DSCAML1: variants seen among roughly 807,000 people sequenced by gnomAD.
DSCAML1 encodes DS cell adhesion molecule like 1, also known as cell adhesion molecule DSCAML1.
In DSCAML1, 38 loss-of-function variants were observed where a neutral mutation model predicts 200.5. That is an observed-to-expected ratio of 0.19 (90% CI 0.15 to 0.25). DSCAML1 has a LOEUF of 0.25. DSCAML1 is among the 10% of genes least tolerant of loss of function. The probability of loss-of-function intolerance (pLI) is 1.00; values close to 1 mark genes in which losing one functional copy is unlikely to be tolerated. For synonymous variants in DSCAML1, 1,215 were observed against 1,165.0 expected (o/e 1.04, Z -0.87); for missense variants, 2,223 against 2,858.8 (o/e 0.78, Z 5.07).
chr11:117,662,258 G>T (rs959487735), intron 3 of DSCAML1, among the ~76,000 whole-genome samples: 29 of 152,380 alleles, frequency 1.9e-4, no homozygotes, highest in African/African-American at 6.3e-4. Context: ...AGAGAAGGCT[G>T]AAGCAGGTGA....
At chr11:117,515,459 G>A (rs1049822958) in intron 8 of DSCAML1, among the ~76,000 whole-genome samples, 1 of 152,076 alleles carries the variant, frequency 6.6e-6, no homozygotes, top group African/African-American at 2.4e-5. Flanking sequence ...CAGAACCAAG[G>A]AGACATTGTC....
chr11:117,577,503 T>C (rs191810476), intron 3 of DSCAML1, among the ~76,000 whole-genome samples: 331 of 13,130 alleles, frequency 0.025, 6 homozygotes, highest in Middle Eastern at 0.11. Context: ...CCTTCCTTCC[T>C]TCCCTCCTTC....
chr11:117,619,814 G>A (rs963270120), intron 3 of DSCAML1, among the ~76,000 whole-genome samples: 1 of 152,072 alleles, frequency 6.6e-6, no homozygotes, highest in Non-Finnish European at 1.5e-5. Context: ...CCTTGTTTAT[G>A]GCCCCTTTCT....
chr11:117,699,284 C>T (rs2053630731), intron 3 of DSCAML1, among the ~76,000 whole-genome samples: 1 of 152,200 alleles, frequency 6.6e-6, no homozygotes, highest in Non-Finnish European at 1.5e-5. Context: ...GCCTTGGTGG[C>T]TGCCCCCGGG....
chr11:117,482,473 A>G (rs2048949009), intron 11 of DSCAML1, among the ~76,000 whole-genome samples: 2 of 152,222 alleles, frequency 1.3e-5, no homozygotes, highest in African/African-American at 4.8e-5. Context: ...GGTTATGCAA[A>G]TATTAAAAAC....
chr11:117,610,322 AC>A (rs1714258236), intron 3 of DSCAML1, among the ~76,000 whole-genome samples: 1 of 151,690 alleles, frequency 6.6e-6, no homozygotes, highest in Non-Finnish European at 1.5e-5. Flanking sequence ...TTCCAAAACT[AC>A]CCCCACTGCC....
intron 3 of DSCAML1, among the ~76,000 whole-genome samples, chr11:117,688,685 A>G (rs1395441850): frequency 6.6e-6 from 1 of 152,112 alleles, no homozygotes; most frequent in African/African-American, 2.4e-5. Context: ...TGCCCACCTT[A>G]CCTGCCTTAA....
At chr11:117,563,320 G>A (rs1162292848) in intron 3 of DSCAML1, among the ~76,000 whole-genome samples, 1 of 152,140 alleles carries the variant, frequency 6.6e-6, no homozygotes, top group African/African-American at 2.4e-5. Flanking sequence ...TGGATGACAC[G>A]GCAGCACGCA....
intron 3 of DSCAML1, among the ~76,000 whole-genome samples, chr11:117,605,567 C>T (rs960817160): frequency 1.8e-4 from 27 of 152,154 alleles, no homozygotes. Context: ...TGGAGTCTGT[C>T]GTTGTTGGAC....
intron 3 of DSCAML1, among the ~76,000 whole-genome samples, chr11:117,600,906 C>T (rs2051453285): frequency 6.6e-6 from 1 of 152,110 alleles, no homozygotes; most frequent in Non-Finnish European, 1.5e-5. Context: ...CATAGGGATC[C>T]CACAGACCCA....
chr11:117,797,504 A>T (rs913464058), upstream of DSCAML1, among the ~76,000 whole-genome samples: 1 of 152,170 alleles, frequency 6.6e-6, no homozygotes, highest in Non-Finnish European at 1.5e-5. Context: ...ACAGCCTGCC[A>T]TGCTTCAGCC....
intron 24 of DSCAML1, 66 bp downstream of exon 24, chr11:117,438,819 C>G (rs1346625835): frequency 7.4e-7 from 1 of 1,351,312 alleles, no homozygotes; most frequent in Non-Finnish European, 9.8e-7. Flanking sequence ...GTGGGTGAAG[C>G]CCCTTCCCTG....
At chr11:117,440,506 G>A (rs1194430041) in intron 21 of DSCAML1, among the ~76,000 whole-genome samples, 1 of 152,206 alleles carries the variant, frequency 6.6e-6, no homozygotes, top group Non-Finnish European at 1.5e-5. Flanking sequence ...AATACTCTGG[G>A]GTAACCAAAG....
intron 3 of DSCAML1, among the ~76,000 whole-genome samples, chr11:117,747,120 C>T (rs1274256062): frequency 6.6e-6 from 1 of 152,160 alleles, no homozygotes; most frequent in Admixed American, 6.5e-5. Context: ...CTTCACCGCC[C>T]TCTCCCTCCC....
intron 3 of DSCAML1, among the ~76,000 whole-genome samples, chr11:117,656,496 CATCTATCTATCT>C (rs71469141): frequency 0.019 from 2,837 of 147,388 alleles, 38 homozygotes; most frequent in South Asian, 0.039. Flanking sequence ...TTACCTAAAT[CATCTATCTATCT>C]ATCTATCTAT....
At position 117,661,767 on chromosome 11, in the gene DSCAML1, T is replaced by A. The variant is rs114868362; in HGVS notation, c.511+115024A>T. On this transcript the variant is annotated intron_variant, in intron 3 of 32. Transcript: ENST00000651296. ...CTTTCCTTGCTAATGAGCAGCTTTTTCCTGGCACTGCCTGGATGGAGGGGA... is the reference window on the plus strand; with the variant it reads ...CTTTCCTTGCTAATGAGCAGCTTTTACCTGGCACTGCCTGGATGGAGGGGA... Among the ~76,000 whole-genome samples the A allele has an allele frequency of 1.9e-3, 289 of 152,282 alleles. 1 individual carries two copies. Among genetic ancestry groups the A allele is most frequent in the African/African-American group, 6.6e-3 (274 of 41,556 alleles).
intron 11 of DSCAML1, among the ~76,000 whole-genome samples, chr11:117,496,476 C>G (rs1565739988): frequency 6.6e-6 from 1 of 152,214 alleles, no homozygotes; most frequent in African/African-American, 2.4e-5. Flanking sequence ...ATTTTCTTAT[C>G]TATTAAGTAG....
At chr11:117,523,844 G>C (rs777063771) in intron 5 of DSCAML1, among the ~76,000 whole-genome samples, 20 of 152,172 alleles carry the variant, frequency 1.3e-4, no homozygotes, top group Admixed American at 2.6e-4. Context: ...TAACCCTCAG[G>C]ATGCTGTTAG....
rs577300137 is a variant in DSCAML1, at chr11:117,572,313, A to G, written c.512-39791T>C. On this transcript the variant is annotated intron_variant, in intron 3 of 32. Transcript: ENST00000651296. ...TTGTGGTTTTCACAAGGGTTTGCTCAGCTGTGGCCTCTCCGAGTTTCCAGC... is the reference window on the plus strand; with the variant it reads ...TTGTGGTTTTCACAAGGGTTTGCTCGGCTGTGGCCTCTCCGAGTTTCCAGC... Among the ~76,000 whole-genome samples the G allele has an allele frequency of 5.3e-5, 8 of 152,332 alleles. No homozygotes were observed. In the East Asian group the frequency reaches 1.5e-3, roughly 29 times the overall value.
Sources: gnomAD v4.1 joint callset for allele counts (sites outside exome capture counted in the v4.1 genomes callset) on GRCh38, gnomAD v4.1.1 for gene constraint, MANE v1.5 for transcripts, NCBI Gene and HGNC (gene_info 2026-07-23, HGNC 2026-07-21) for gene names.